The following AP1G1 variants were observed in gnomAD, a reference collection of about 807,000 sequenced individuals.
AP1G1 encodes adaptor related protein complex 1 subunit gamma 1, also known as AP-1 complex subunit gamma-1.
A neutral mutation model predicts 108.3 loss-of-function variants in AP1G1; 7 were observed. That is an observed-to-expected ratio of 0.06 (90% CI 0.04 to 0.12). The LOEUF is 0.12. Ranked by LOEUF, AP1G1 falls within the 10% of genes least tolerant of loss-of-function variation. The pLI, the probability that AP1G1 is intolerant of heterozygous loss-of-function variation, is 1.00. For missense variants in AP1G1, 756 were observed against 1,010.7 expected, an observed-to-expected ratio of 0.75 and a Z score of 3.42; for synonymous variants, 379 against 353.5, an observed-to-expected ratio of 1.07 and a Z score of -0.81.
At position 71,768,642 on chromosome 16, in the gene AP1G1, G is replaced by A. The variant is rs146917899; in HGVS notation, c.642+981C>T. 5.8e-3 allele frequency among the ~76,000 whole-genome samples: 878 copies of A among 151,532 alleles called. 6 individuals carry two copies. The highest frequency in any genetic ancestry group is 7.1e-3 in the Non-Finnish European group (485 of 67,900). On this transcript the variant is annotated intron_variant, in intron 6 of 22. Transcript: ENST00000299980. ...TTAAAAAAATAGAAAAGAGCTGGGCGCGGTGGCTCACGCCTGTAATCACAG... is the reference window on the plus strand; with the variant it reads ...TTAAAAAAATAGAAAAGAGCTGGGCACGGTGGCTCACGCCTGTAATCACAG...
chr16:71,738,894 C>A (rs62053157), intron 21 of AP1G1, 48 bp downstream of exon 21: 18 of 1,518,982 alleles, frequency 1.2e-5, no homozygotes, highest in South Asian at 5.1e-5. Context: ...AAAAAAAAGC[C>A]AGCCAATCTT....
chr16:71,804,990 G>T (rs1022384297), intron 1 of AP1G1, among the ~76,000 whole-genome samples: 2 of 152,104 alleles, frequency 1.3e-5, no homozygotes, highest in Non-Finnish European at 2.9e-5. Flanking sequence ...CAGCCTGGGT[G>T]AAAGAGTGAG....
intron 1 of AP1G1, among the ~76,000 whole-genome samples, chr16:71,803,399 A>G (rs188322287): frequency 6.6e-6 from 1 of 152,052 alleles, no homozygotes; most frequent in Admixed American, 6.6e-5. Flanking sequence ...TTAAAGTAAA[A>G]TTTCCAAGTA....
Position 71,756,162 on chromosome 16 carries a change from T to G in AP1G1, c.1089-3A>C. ...CAAAACTCAATTCCATTGCACGCCT[T>G]GCAGAAGGGAAAAATTAAAAACAGT... On this transcript the variant is annotated splice_polypyrimidine_tract_variant and splice_region_variant and intron_variant, in intron 11 of 22. Coordinates refer to ENST00000299980, the MANE Select transcript of AP1G1 (RefSeq NM_001128.6). 6.2e-7 allele frequency: 1 copy of G among 1,602,378 alleles called. No individual in the cohort carries two copies.
intron 12 of AP1G1, among the ~76,000 whole-genome samples, chr16:71,754,117 T>TA (rs1232445747): frequency 1.3e-5 from 2 of 151,884 alleles, no homozygotes; most frequent in African/African-American, 4.8e-5. Flanking sequence ...TGGGTGCCTG[T>TA]AGTTCAGCTA....
intron 2 of AP1G1, among the ~76,000 whole-genome samples, chr16:71,787,674 C>G (rs544792291): frequency 3.9e-5 from 6 of 152,026 alleles, no homozygotes; most frequent in Admixed American, 3.3e-4. Context: ...ATCAATCAAC[C>G]GATCAACAAG....
chr16:71,759,326 T>C (rs2030961939), intron 10 of AP1G1, among the ~76,000 whole-genome samples: 1 of 151,662 alleles, frequency 6.6e-6, no homozygotes, highest in Non-Finnish European at 1.5e-5. Context: ...GGCACATGGG[T>C]GTTAGGTGCC....
chr16:71,741,599 A>C (rs940339917), intron 19 of AP1G1, among the ~76,000 whole-genome samples: 2 of 152,226 alleles, frequency 1.3e-5, no homozygotes, highest in Non-Finnish European at 2.9e-5. Context: ...AAAAACAAGT[A>C]AATGACATAT....
chr16:71,784,964 G>C (rs12598090), intron 2 of AP1G1, among the ~76,000 whole-genome samples: 10 of 147,736 alleles, frequency 6.8e-5, no homozygotes, highest in Non-Finnish European at 3.0e-5. Flanking sequence ...CACCATACTA[G>C]ATACTGTAGT....
chr16:71,782,906 A>G (rs1439388102), intron 2 of AP1G1, among the ~76,000 whole-genome samples: 1 of 152,162 alleles, frequency 6.6e-6, no homozygotes, highest in African/African-American at 2.4e-5. Flanking sequence ...GCATAGTAAC[A>G]TCATTCAAGC....
rs568164423 is a variant in AP1G1 at position 71,740,365 on chromosome 16, T to G, written c.2000-1024A>C. Among the ~76,000 whole-genome samples, 6 of 152,320 alleles carry G rather than the reference T, an allele frequency of 3.9e-5. No homozygotes were observed. In the South Asian group the frequency reaches 1.0e-3, roughly 26 times the overall value. On this transcript the variant is annotated intron_variant, in intron 19 of 22. Coordinates refer to ENST00000299980, the MANE Select transcript of AP1G1 (RefSeq NM_001128.6). ...CTGCCAACCCCTGGAGGGCAAAATC[T>G]TCCCCAGTTGAGAACCGATTACCCC...
chr16:71,764,739 A>C lies in AP1G1; in HGVS notation c.739-13T>G. 6.4e-7 allele frequency: 1 copy of C among 1,572,636 alleles called. No individual in the cohort carries two copies. The stretch of plus-strand genomic sequence containing the variant: ...GCAAAATTCGTACCTAACGTGCAAA[A>C]GATGAGAGGTGTCAACAAATTATGT... On this transcript the variant is annotated splice_polypyrimidine_tract_variant and intron_variant, in intron 7 of 22. Coordinates refer to ENST00000299980, the MANE Select transcript of AP1G1 (RefSeq NM_001128.6).
intron 1 of AP1G1, 145 bp from the exon 2 acceptor site, chr16:71,789,627 T>C: frequency 1.3e-6 from 1 of 758,412 alleles, no homozygotes; most frequent in South Asian, 1.8e-5. Context: ...CAAAGCGTGC[T>C]AAGCTTCCGC....
At chr16:71,788,268 TAG>T (rs1228264209) in intron 2 of AP1G1, among the ~76,000 whole-genome samples, 1 of 152,208 alleles carries the variant, frequency 6.6e-6, no homozygotes, top group Non-Finnish European at 1.5e-5. Flanking sequence ...GTCTGTTCCT[TAG>T]AGAGACTATT....
At chr16:71,779,154 A>C (rs2031905779) in intron 2 of AP1G1, among the ~76,000 whole-genome samples, 1 of 152,190 alleles carries the variant, frequency 6.6e-6, no homozygotes, top group Admixed American at 6.5e-5. Context: ...CGAAGTTTTC[A>C]GCCCCCTTTG....
rs112829670 is a variant in AP1G1, at chr16:71,741,544, T to C, written c.2000-2203A>G. On this transcript the variant is annotated intron_variant, in intron 19 of 22. Transcript: ENST00000299980. ...GTTGCAGTGAGCCAAGATCACACCA[T>C]TGCACTCCAGCCTGGGTGACAGAGC... 2.5e-3 allele frequency among the ~76,000 whole-genome samples: 378 copies of C among 152,126 alleles called. 2 individuals carry two copies. Among genetic ancestry groups the C allele is most frequent in the African/African-American group, 8.1e-3 (337 of 41,492 alleles).
intron 15 of AP1G1, among the ~76,000 whole-genome samples, chr16:71,748,689 T>TA (rs1292088796): frequency 2.0e-5 from 3 of 152,112 alleles, no homozygotes; most frequent in Non-Finnish European, 4.4e-5. Context: ...AAGAAAAACA[T>TA]ACAGAGTTCA....
At chr16:71,745,717 C>T (rs1597040440) in intron 17 of AP1G1, 103 bp from the exon 18 acceptor site, 1 of 934,568 alleles carries the variant, frequency 1.1e-6, no homozygotes, top group Non-Finnish European at 1.7e-6. Context: ...AGATCTATCT[C>T]CCCTCCCCAT....
Position 71,793,336 on chromosome 16 carries a change from A to G in AP1G1, c.-3-3854T>C, listed in dbSNP as rs550470557. 3.9e-5 allele frequency among the ~76,000 whole-genome samples: 6 copies of G among 152,346 alleles called. No homozygotes were observed. In the South Asian group the frequency reaches 1.2e-3, roughly 32 times the overall value. On this transcript the variant is annotated intron_variant, in intron 1 of 22. Transcript: ENST00000299980. ...ATAGAGAGTGACACATCAACACACTATAACATCTACTTTACTCCAGATAGA... is the reference window on the plus strand; with the variant it reads ...ATAGAGAGTGACACATCAACACACTGTAACATCTACTTTACTCCAGATAGA...
Sources: allele counts gnomAD v4.1 joint callset (sites outside exome capture counted in the v4.1 genomes callset), GRCh38; gene constraint gnomAD v4.1.1; transcripts MANE v1.5; gene names NCBI Gene and HGNC (gene_info 2026-07-23, HGNC 2026-07-21).